TNPO1: variants seen among roughly 807,000 people sequenced by gnomAD.
TNPO1 encodes the protein transportin-1.
TNPO1 carries 8 observed loss-of-function variants against 119.5 expected under a neutral mutation model. The ratio of observed to expected loss-of-function variants is 0.07; its 90% CI spans 0.04 to 0.12. The LOEUF (loss-of-function observed/expected upper bound fraction) is 0.12. TNPO1 is among the 10% of genes least tolerant of loss of function. The pLI is 1.00. For synonymous variants in TNPO1, 362 were observed against 363.0 expected (o/e 1.00, Z 0.03); for missense variants, 576 against 1,089.8 (o/e 0.53, Z 6.64).
chr5:72,890,311 A>T (rs1748951432), intron 14 of TNPO1, among the ~76,000 whole-genome samples: 1 of 152,240 alleles, frequency 6.6e-6, no homozygotes, highest in African/African-American at 2.4e-5. Flanking sequence ...GCTTTAGAGT[A>T]CCATATCTAG....
At chr5:72,829,693 G>A (rs1744361464) in intron 1 of TNPO1, among the ~76,000 whole-genome samples, 1 of 152,184 alleles carries the variant, frequency 6.6e-6, no homozygotes, top group African/African-American at 2.4e-5. Context: ...TTACTTTATA[G>A]GTGAGGAACT....
intron 23 of TNPO1, among the ~76,000 whole-genome samples, chr5:72,904,181 C>CGTCA (rs1365903794): frequency 1.3e-5 from 2 of 152,056 alleles, no homozygotes; most frequent in Non-Finnish European, 2.9e-5. Flanking sequence ...TTGATTAACT[C>CGTCA]GTCAGTACTC....
chr5:72,869,414 G>C (rs1251452592), intron 6 of TNPO1, among the ~76,000 whole-genome samples: 1 of 152,040 alleles, frequency 6.6e-6, no homozygotes, highest in Non-Finnish European at 1.5e-5. Flanking sequence ...TGGCATGGTG[G>C]CATGCACCTG....
intron 6 of TNPO1, 95 bp downstream of exon 6, chr5:72,865,824 A>G: frequency 7.8e-7 from 1 of 1,275,572 alleles, no homozygotes; most frequent in Non-Finnish European, 1.1e-6. Context: ...TTAGCAAAAG[A>G]TCAAAAGATA....
Position 72,891,612 on chromosome 5 carries a change from C to T in TNPO1, c.1702-198C>T, listed in dbSNP as rs557111409. Among the ~76,000 whole-genome samples the T allele has an allele frequency of 4.0e-5, 6 of 151,886 alleles. No homozygotes were observed. In the South Asian group the frequency reaches 8.3e-4, roughly 21 times the overall value. ...TAGTTCTAGATCTAAAACTAGAACA[C>T]GGTCATGTAAGTATAAAGGTAGGCA... On this transcript the variant is annotated intron_variant, in intron 14 of 24. Coordinates refer to ENST00000337273, the MANE Select transcript of TNPO1 (RefSeq NM_002270.4).
chr5:72,833,747 T>G (rs576162249), intron 1 of TNPO1, among the ~76,000 whole-genome samples: 5 of 152,362 alleles, frequency 3.3e-5, no homozygotes, highest in African/African-American at 1.2e-4. Flanking sequence ...TCACATTTCA[T>G]TCTGTTTTTT....
At chr5:72,848,604 A>C (rs1401341183) in intron 2 of TNPO1, 106 bp downstream of exon 2, 326 of 457,216 alleles carry the variant, frequency 7.1e-4, no homozygotes, top group Middle Eastern at 2.8e-3. Flanking sequence ...CCCCTCCCCC[A>C]TCCTCCGAGA....
intron 18 of TNPO1, among the ~76,000 whole-genome samples, chr5:72,895,525 A>G (rs1454480447): frequency 2.0e-5 from 3 of 152,278 alleles, no homozygotes; most frequent in East Asian, 1.9e-4. Flanking sequence ...GTTGCTAAAC[A>G]TCTTATAATA....
chr5:72,914,291 G>T lies in TNPO1; in HGVS notation c.*5618G>T, dbSNP rs1750743219. The T allele has an allele frequency of 6.6e-6, 1 of 152,544 alleles. No homozygotes were observed. The highest frequency in any genetic ancestry group is 2.4e-5 in the African/African-American group (1 of 41,442). 9.4% of individuals were successfully genotyped at this position (152,544 alleles called of 1,614,324 possible). On this transcript the variant is annotated 3_prime_UTR_variant, in exon 25 of 25. Coordinates refer to ENST00000337273, the MANE Select transcript of TNPO1 (RefSeq NM_002270.4). Reference sequence around the variant, plus strand: ...TTGGATCATGCAGAGAATATATATTGTACTGTAGTAATTTTGTATTTACAT... The same window carrying T: ...TTGGATCATGCAGAGAATATATATTTTACTGTAGTAATTTTGTATTTACAT...
chr5:72,901,529 T>C (rs1483139402), intron 22 of TNPO1, among the ~76,000 whole-genome samples: 1 of 152,206 alleles, frequency 6.6e-6, no homozygotes, highest in Non-Finnish European at 1.5e-5. Context: ...ATTGCTCTAA[T>C]TTTGAGAGCT....
chr5:72,854,538 G>C (rs1745833151), intron 3 of TNPO1, among the ~76,000 whole-genome samples: 1 of 152,146 alleles, frequency 6.6e-6, no homozygotes, highest in Non-Finnish European at 1.5e-5. Context: ...CCCTTTGAGT[G>C]GGGGTAATAC....
At chr5:72,888,873 T>C (rs988870020) in intron 13 of TNPO1, among the ~76,000 whole-genome samples, 19 of 152,198 alleles carry the variant, frequency 1.2e-4, no homozygotes, top group African/African-American at 3.9e-4. Flanking sequence ...GTTTGGTGGC[T>C]GTCTCTTTAT....
intron 6 of TNPO1, among the ~76,000 whole-genome samples, chr5:72,871,494 A>G (rs1747398802): frequency 6.6e-6 from 1 of 152,220 alleles, no homozygotes; most frequent in Non-Finnish European, 1.5e-5. Context: ...GTTATATTTC[A>G]GAAGAGGAGA....
chr5:72,867,543 A>G (rs1747008579), intron 6 of TNPO1, among the ~76,000 whole-genome samples: 1 of 152,238 alleles, frequency 6.6e-6, no homozygotes, highest in Admixed American at 6.5e-5. Flanking sequence ...AGTTGATGAC[A>G]TTCTCATCAT....
At chr5:72,895,843 C>T (rs1032884920) in intron 18 of TNPO1, among the ~76,000 whole-genome samples, 2 of 151,980 alleles carry the variant, frequency 1.3e-5, no homozygotes, top group Non-Finnish European at 2.9e-5. Flanking sequence ...TTTGATGTTT[C>T]AGAGTTTTGT....
At chr5:72,819,243 A>G (rs1743837305) in intron 1 of TNPO1, among the ~76,000 whole-genome samples, 2 of 152,174 alleles carry the variant, frequency 1.3e-5, no homozygotes, top group Admixed American at 1.3e-4. Flanking sequence ...TGGCTTTCTA[A>G]CAACTCACCC....
chr5:72,877,434 T>A (rs1747878661), intron 9 of TNPO1, 88 bp downstream of exon 9: 10 of 709,324 alleles, frequency 1.4e-5, no homozygotes, highest in Non-Finnish European at 2.1e-5. Context: ...TTCATTCTTT[T>A]GCCATCAGGG....
chr5:72,833,978 A>C (rs986599107), intron 1 of TNPO1, among the ~76,000 whole-genome samples: 10 of 152,086 alleles, frequency 6.6e-5, no homozygotes, highest in African/African-American at 2.4e-4. Flanking sequence ...ATCCCTTTGC[A>C]TAATATGAGG....
At chr5:72,817,701 T>A (rs1442782432) in intron 1 of TNPO1, among the ~76,000 whole-genome samples, 1 of 152,214 alleles carries the variant, frequency 6.6e-6, no homozygotes, top group Non-Finnish European at 1.5e-5. Flanking sequence ...TAAGTGGTAC[T>A]TTTTTTACCC....
Sources: gnomAD v4.1 joint callset for allele counts (sites outside exome capture counted in the v4.1 genomes callset) on GRCh38, gnomAD v4.1.1 for gene constraint, MANE v1.5 for transcripts, NCBI Gene and HGNC (gene_info 2026-07-23, HGNC 2026-07-21) for gene names.